LRRC4C: variants seen among roughly 807,000 people sequenced by gnomAD.
LRRC4C encodes the protein leucine-rich repeat-containing protein 4C.
Under a neutral mutation model 33.6 loss-of-function variants are expected in LRRC4C, and 5 were observed. The observed-to-expected ratio is 0.15, with a 90% CI of 0.08 to 0.31. The LOEUF (loss-of-function observed/expected upper bound fraction) is 0.31. Among genes scored for constraint, LRRC4C ranks in the 10% least tolerant of loss-of-function variants. The pLI, the probability that LRRC4C is intolerant of heterozygous loss-of-function variation, is 1.00. For missense variants in LRRC4C, 560 were observed against 796.7 expected (o/e 0.70, Z 3.58); for synonymous variants, 329 against 302.0 (o/e 1.09, Z -0.93).
At chr11:40,706,885 A>T (rs1232985474) in intron 2 of LRRC4C, among the ~76,000 whole-genome samples, 1 of 151,920 alleles carries the variant, frequency 6.6e-6, no homozygotes, top group African/African-American at 2.4e-5. Flanking sequence ...CTTTTATTTC[A>T]TTGAACAGTG....
At chr11:40,745,065 T>C (rs1284556016) in intron 2 of LRRC4C, among the ~76,000 whole-genome samples, 1 of 152,186 alleles carries the variant, frequency 6.6e-6, no homozygotes, top group African/African-American at 2.4e-5. Context: ...AAAGTATTAC[T>C]GTAAGCCATC....
At chr11:40,522,663 G>A (rs1955869554) in intron 3 of LRRC4C, among the ~76,000 whole-genome samples, 1 of 151,912 alleles carries the variant, frequency 6.6e-6, no homozygotes, top group Non-Finnish European at 1.5e-5. Flanking sequence ...ACTTTTTCAT[G>A]TACCCTAACT....
intron 1 of LRRC4C, among the ~76,000 whole-genome samples, chr11:41,329,714 A>G (rs547272410): frequency 6.6e-6 from 1 of 152,268 alleles, no homozygotes; most frequent in East Asian, 1.9e-4. Context: ...AAAGTTCTCA[A>G]AGGGTGCAAT....
chr11:40,346,500 G>A (rs1357388895), intron 3 of LRRC4C, among the ~76,000 whole-genome samples: 1 of 152,148 alleles, frequency 6.6e-6, no homozygotes, highest in Non-Finnish European at 1.5e-5. Context: ...GCTAAATGAT[G>A]AGAACACATG....
intron 5 of LRRC4C, among the ~76,000 whole-genome samples, chr11:40,159,822 T>G (rs562049818): frequency 5.5e-4 from 83 of 152,230 alleles, no homozygotes; most frequent in Non-Finnish European, 9.7e-4. Context: ...TAAAACTATA[T>G]GCCTGCTATC....
At chr11:40,516,120 T>C (rs1256384917) in intron 3 of LRRC4C, among the ~76,000 whole-genome samples, 1 of 152,088 alleles carries the variant, frequency 6.6e-6, no homozygotes, top group African/African-American at 2.4e-5. Context: ...TTATTCCTAA[T>C]ACTATAGTGG....
At chr11:40,858,141 A>C (rs1448349873) in intron 2 of LRRC4C, among the ~76,000 whole-genome samples, 1 of 152,150 alleles carries the variant, frequency 6.6e-6, no homozygotes, top group African/African-American at 2.4e-5. Flanking sequence ...TCCTCAGTTA[A>C]ATTAATTACA....
At chr11:40,727,019 G>A (rs1947318357) in intron 2 of LRRC4C, among the ~76,000 whole-genome samples, 1 of 151,996 alleles carries the variant, frequency 6.6e-6, no homozygotes, top group Non-Finnish European at 1.5e-5. Context: ...GCCACAAAAA[G>A]TTAACTAGAA....
chr11:40,822,518 G>A (rs898776946), intron 2 of LRRC4C, among the ~76,000 whole-genome samples: 6 of 151,568 alleles, frequency 4.0e-5, no homozygotes, highest in Admixed American at 2.6e-4. Flanking sequence ...TTTCTTTTAG[G>A]ATTATTTGTT....
chr11:40,360,590 C>T (rs549102081), intron 3 of LRRC4C, among the ~76,000 whole-genome samples: 4 of 152,186 alleles, frequency 2.6e-5, no homozygotes, highest in African/African-American at 7.2e-5. Flanking sequence ...GTTGCAGATA[C>T]GAGGATGAAG....
intron 3 of LRRC4C, among the ~76,000 whole-genome samples, chr11:40,644,922 G>A (rs1942351703): frequency 6.6e-6 from 1 of 151,330 alleles, no homozygotes. Flanking sequence ...GTATAAAGGG[G>A]GAACAGGCAC....
intron 3 of LRRC4C, among the ~76,000 whole-genome samples, chr11:40,471,396 T>C (rs909729303): frequency 6.6e-6 from 1 of 152,050 alleles, no homozygotes; most frequent in Non-Finnish European, 1.5e-5. Context: ...GCACTAAATA[T>C]GTAAAGGAAC....
Position 41,043,859 on chromosome 11 carries a change from G to C in LRRC4C, c.-495-110136C>G, listed in dbSNP as rs1341630852. ...GTTAAGTGTTAGTTTTTATTGCACT[G>C]TACCTCATTTCTCACCTGAACTCCA... On this transcript the variant is annotated intron_variant, in intron 1 of 6. Transcript: ENST00000528697. Among the ~76,000 whole-genome samples the C allele has an allele frequency of 2.0e-5, 3 of 151,728 alleles. No homozygotes were observed. In the South Asian group the frequency reaches 6.3e-4, roughly 32 times the overall value.
At chr11:40,475,469 A>G (rs1953166859) in intron 3 of LRRC4C, among the ~76,000 whole-genome samples, 1 of 152,052 alleles carries the variant, frequency 6.6e-6, no homozygotes, top group Admixed American at 6.5e-5. Context: ...GGGCTAGGGG[A>G]GGGATAGCAT....
At chr11:41,377,194 C>CT (rs1356803396) in intron 1 of LRRC4C, among the ~76,000 whole-genome samples, 2 of 152,102 alleles carry the variant, frequency 1.3e-5, no homozygotes, top group Non-Finnish European at 2.9e-5. Context: ...TTAAATTATC[C>CT]TTTTTTCTTC....
At chr11:41,171,208 G>T (rs944989418) in intron 1 of LRRC4C, among the ~76,000 whole-genome samples, 4 of 151,994 alleles carry the variant, frequency 2.6e-5, no homozygotes, top group Admixed American at 2.0e-4. Context: ...ATTCCTCAGG[G>T]ATCTAGAACT....
At chr11:40,469,470 C>T (rs1024723145) in intron 3 of LRRC4C, among the ~76,000 whole-genome samples, 6 of 152,150 alleles carry the variant, frequency 3.9e-5, no homozygotes, top group African/African-American at 1.4e-4. Context: ...GAGCAGACAC[C>T]AAGCTAGCTG....
intron 1 of LRRC4C, among the ~76,000 whole-genome samples, chr11:41,437,149 A>T (rs1411980609): frequency 2.0e-5 from 3 of 152,158 alleles, no homozygotes; most frequent in African/African-American, 7.2e-5. Flanking sequence ...ATTAGATTTT[A>T]TTGGACCTGA....
At chr11:40,549,607 A>G (rs1957058083) in intron 3 of LRRC4C, among the ~76,000 whole-genome samples, 1 of 152,280 alleles carries the variant, frequency 6.6e-6, no homozygotes, top group African/African-American at 2.4e-5. Flanking sequence ...AAGAAATAAG[A>G]AAGCTGTATG....
Sources: gnomAD v4.1 joint callset for allele counts (sites outside exome capture counted in the v4.1 genomes callset) on GRCh38, gnomAD v4.1.1 for gene constraint, MANE v1.5 for transcripts, NCBI Gene and HGNC (gene_info 2026-07-23, HGNC 2026-07-21) for gene names.